The following SMIM33 variants were observed in gnomAD, a reference collection of about 807,000 sequenced individuals.
The protein encoded by SMIM33 is small integral membrane protein 33.
intron 1 of SMIM33, 87 bp from the exon 2 acceptor site, chr5:139,472,445 C>G: frequency 3.2e-6 from 1 of 309,360 alleles, no homozygotes; most frequent in Non-Finnish European, 5.9e-6. Flanking sequence ...GCCTCAGGTT[C>G]CTTTGGGTGT....
chr5:139,472,726 G>T lies in SMIM33; in HGVS notation c.204G>T (p.Arg68Ser), dbSNP rs1661592080. 3 of 400,716 alleles carry T rather than the reference G, an allele frequency of 7.5e-6. No homozygotes were observed. Among genetic ancestry groups the T allele is most frequent in the African/African-American group, 2.1e-5 (1 of 48,694 alleles). The allele number at this position is 400,716 out of a possible 1,614,324, so 24.8% of individuals were successfully genotyped here. ...TAGTGGCAGTCCATTTTGGGCCAAG[G>T]CTGCACCAGGGCCATGCCACTCTCC... is the stretch of plus-strand genomic sequence containing the variant. ...CIIVAVHFGP[R>S]LHQGHATLPT... Residue 68 changes from arginine (R) to serine (S), a missense_variant, in exon 2 of 2, where the codon AGG becomes AGT. Arg to Ser is a moderately radical substitution (Grantham distance 110). Transcript: ENST00000637503.
At chr5:139,471,455 G>A (rs1466522244) in intron 1 of SMIM33, among the ~76,000 whole-genome samples, 1 of 152,084 alleles carries the variant, frequency 6.6e-6, no homozygotes, top group African/African-American at 2.4e-5. Context: ...TAGAGAGAGG[G>A]GCTCCACCCG....
chr5:139,471,425 C>T (rs962752376), intron 1 of SMIM33, among the ~76,000 whole-genome samples: 18 of 152,174 alleles, frequency 1.2e-4, no homozygotes, highest in African/African-American at 4.3e-4. Flanking sequence ...ATGGGGAGGG[C>T]CATGCTGAGA....
In SMIM33 at chr5:139,472,640, G is replaced by A. The variant is rs1751554723; in HGVS notation, c.118G>A (p.Asp40Asn). Residue 40 changes from aspartate (D) to asparagine (N), a missense_variant, in exon 2 of 2, where the codon GAC (aspartate) becomes AAC (asparagine). Coordinates refer to ENST00000637503, the MANE Select transcript of SMIM33 (RefSeq NM_001365197.1). ...LSGTWEQPRV[D>N]GLPVVTVIVA... ...TGGCACCTGGGAACAACCTCGAGTTGACGGGCTGCCTGTGGTCACCGTCAT... is the reference window on the plus strand; with the variant it reads ...TGGCACCTGGGAACAACCTCGAGTTAACGGGCTGCCTGTGGTCACCGTCAT... 2.5e-6 allele frequency: 1 copy of A among 400,868 alleles called. No individual in the cohort carries two copies. The highest frequency in any genetic ancestry group is 3.1e-4 in the Middle Eastern group (1 of 3,222). 24.8% of individuals were successfully genotyped at this position (400,868 alleles called of 1,614,324 possible).
rs1751557756 is a variant in SMIM33, at chr5:139,472,834, A to C, written c.312A>C (p.Glu104Asp). 1 of 400,804 alleles carries C rather than the reference A, an allele frequency of 2.5e-6. No individual in the cohort carries two copies. The allele number at this position is 400,804 out of a possible 1,614,324, so 24.8% of individuals were successfully genotyped here. ...TGCTGGGCCCCCAAGACAGTCCTGA[A>C]GAAGCACCACCGGGCCCTCTTGTCC... ...WRVLGPQDSP[E>D]EAPPGPLVPG... Residue 104 changes from glutamate to aspartate, a missense_variant, in exon 2 of 2, where the codon GAA becomes GAC. By Grantham distance (45) the Glu-to-Asp change is conservative. Transcript: ENST00000637503.
chr5:139,471,709 C>T (rs538854029), intron 1 of SMIM33, among the ~76,000 whole-genome samples: 1 of 152,120 alleles, frequency 6.6e-6, no homozygotes, highest in African/African-American at 2.4e-5. Context: ...AGGGTCTCCA[C>T]AATCCATCCT....
chr5:139,472,802 T>C lies in SMIM33; in HGVS notation c.280T>C (p.Trp94Arg). 2.5e-6 allele frequency: 1 copy of C among 400,902 alleles called. No homozygotes were observed. Among genetic ancestry groups the C allele is most frequent in the East Asian group, 3.6e-5 (1 of 28,078 alleles). 24.8% of individuals were successfully genotyped at this position (400,902 alleles called of 1,614,324 possible). ...AGATGGTGGCATCTACCTCATCCAC[T>C]GGCGGGTGCTGGGCCCCCAAGACAG... ...KPDGGIYLIHWRVLGPQDSPE... is the reference protein window; with the variant it reads ...KPDGGIYLIHRRVLGPQDSPE... The change falls in exon 2 of 2, where the codon TGG becomes CGG. Residue 94 changes from tryptophan (W) to arginine (R), a missense_variant. Transcript: ENST00000637503.
At chr5:139,471,916 G>C (rs139335508) in intron 1 of SMIM33, among the ~76,000 whole-genome samples, 123 of 152,282 alleles carry the variant, frequency 8.1e-4, no homozygotes, top group African/African-American at 2.8e-3. Flanking sequence ...TGTGTGAGTG[G>C]GGAGTAAGGG....
chr5:139,471,210 C>T (rs1751530829), intron 1 of SMIM33, 80 bp downstream of exon 1: 1 of 398,846 alleles, frequency 2.5e-6, no homozygotes, highest in Non-Finnish European at 4.4e-6. Context: ...CCTCAGCTTC[C>T]CCTTTTCCTC....
intron 1 of SMIM33, among the ~76,000 whole-genome samples, chr5:139,471,499 G>A (rs981636384): frequency 6.6e-6 from 1 of 152,094 alleles, no homozygotes; most frequent in African/African-American, 2.4e-5. Context: ...CATCTGGGAA[G>A]GGGAAGCTAG....
At position 139,472,760 on chromosome 5, in the gene SMIM33, C is replaced by G; in HGVS notation, c.238C>G (p.Pro80Ala). Residue 80 changes from proline to alanine, a missense_variant, in exon 2 of 2, where the codon CCA (proline) becomes GCA (alanine). Physicochemically the swap from Pro to Ala is conservative, Grantham distance 27 (BLOSUM62 -1). Transcript: ENST00000637503. Reference protein sequence around the residue: ...HQGHATLPTEPPTPKPDGGIY... With the variant: ...HQGHATLPTEAPTPKPDGGIY... ...GGGCCATGCCACTCTCCCTACAGAGCCACCGACCCCAAAGCCAGATGGTGG... is the reference window on the plus strand; with the variant it reads ...GGGCCATGCCACTCTCCCTACAGAGGCACCGACCCCAAAGCCAGATGGTGG... 7.5e-6 allele frequency: 3 copies of G among 400,922 alleles called. No individual in the cohort carries two copies. Among genetic ancestry groups the G allele is most frequent in the Non-Finnish European group, 8.8e-6 (2 of 226,342 alleles). 24.8% of individuals were successfully genotyped at this position (400,922 alleles called of 1,614,324 possible). A position where few individuals can be genotyped will look rare whatever the true frequency, so the allele number is the denominator to read the frequency against.
chr5:139,471,101 AGCCCTGTGTCGGCCCGGACAAT>A lies in SMIM33; in HGVS notation c.-18_4del. On this transcript the variant is annotated start_lost and 5_prime_UTR_variant, in exon 1 of 2. Transcript: ENST00000637503. ...CCCAGCTGGCTGCCAGTCCCAAGGGAGCCCTGTGTCGGCCCGGACAATGCACCAGGTAGACTCTGCTCACCCC... is the reference window on the plus strand; with the variant it reads ...CCCAGCTGGCTGCCAGTCCCAAGGGAGCACCAGGTAGACTCTGCTCACCCC... 2.5e-6 allele frequency: 1 copy of A among 398,698 alleles called. No individual in the cohort carries two copies. Among genetic ancestry groups the A allele is most frequent in the East Asian group, 3.6e-5 (1 of 28,080 alleles). The allele number at this position is 398,698 out of a possible 1,614,324, so 24.7% of individuals were successfully genotyped here. A position where few individuals can be genotyped will look rare whatever the true frequency, so the allele number is the denominator to read the frequency against.
At chr5:139,471,881 G>A (rs943020565) in intron 1 of SMIM33, among the ~76,000 whole-genome samples, 10 of 152,104 alleles carry the variant, frequency 6.6e-5, no homozygotes, top group African/African-American at 2.2e-4. Flanking sequence ...CTCTCCCGCC[G>A]CCAGGGCACC....
At position 139,472,983 on chromosome 5, in the gene SMIM33, G is replaced by C. The variant is rs1751560538; in HGVS notation, c.*62G>C. ...GAACAAGAAACCGGGCAGAGAACTA[G>C]GGCAAAAGCAAATTGGAGCCTGGGC... On this transcript the variant is annotated 3_prime_UTR_variant, in exon 2 of 2. Transcript: ENST00000637503. 2 of 398,908 alleles carry C rather than the reference G, an allele frequency of 5.0e-6. No individual in the cohort carries two copies. Among genetic ancestry groups the C allele is most frequent in the South Asian group, 1.3e-4 (1 of 7,492 alleles). 24.7% of individuals were successfully genotyped at this position (398,908 alleles called of 1,614,324 possible).
chr5:139,472,972 G>GC lies in SMIM33; in HGVS notation c.*52dup, dbSNP rs1751560437. The GC allele has an allele frequency of 5.0e-6, 2 of 399,502 alleles. No individual in the cohort carries two copies. The highest frequency in any genetic ancestry group is 8.8e-5 in the Admixed American group (2 of 22,740). 24.7% of individuals were successfully genotyped at this position (399,502 alleles called of 1,614,324 possible). ...GACCTAGCTCAGAACAAGAAACCGG[G>GC]CAGAGAACTAGGGCAAAAGCAAATT... On this transcript the variant is annotated 3_prime_UTR_variant, in exon 2 of 2. Coordinates refer to ENST00000637503, the MANE Select transcript of SMIM33 (RefSeq NM_001365197.1).
chr5:139,472,138 T>C (rs915521857), intron 1 of SMIM33, among the ~76,000 whole-genome samples: 4 of 152,194 alleles, frequency 2.6e-5, no homozygotes, highest in African/African-American at 9.7e-5. Flanking sequence ...CGCTGGACTG[T>C]GATGAAGCCA....
At chr5:139,472,441 G>T in intron 1 of SMIM33, 91 bp from the exon 2 acceptor site, 1 of 382,204 alleles carries the variant, frequency 2.6e-6, no homozygotes, top group Non-Finnish European at 4.6e-6. Context: ...CCCCGCCTCA[G>T]GTTCCTTTGG....
intron 1 of SMIM33, among the ~76,000 whole-genome samples, chr5:139,471,375 G>T (rs1176358792): frequency 6.6e-6 from 1 of 152,190 alleles, no homozygotes; most frequent in Non-Finnish European, 1.5e-5. Context: ...AGGGGCTAAA[G>T]GACATGGGTT....
intron 1 of SMIM33, 57 bp from the exon 2 acceptor site, chr5:139,472,475 T>C: frequency 2.5e-6 from 1 of 400,310 alleles, no homozygotes; most frequent in Non-Finnish European, 4.4e-6. Flanking sequence ...TCTATTTTGG[T>C]CTTTTTCTGT....
Sources: gnomAD v4.1 joint callset for allele counts (sites outside exome capture counted in the v4.1 genomes callset) on GRCh38, gnomAD v4.1.1 for gene constraint, MANE v1.5 for transcripts, NCBI Gene and HGNC (gene_info 2026-07-23, HGNC 2026-07-21) for gene names.